Variants in VANGL1 observed in about 807,000 individuals in gnomAD.
The protein encoded by VANGL1 is VANGL planar cell polarity protein 1, also known as vang-like protein 1.
Under a neutral mutation model 48.4 loss-of-function variants are expected in VANGL1, and 18 were observed. That is an observed-to-expected ratio of 0.37 (90% CI 0.26 to 0.55). The LOEUF is 0.55. Ranked by LOEUF, VANGL1 falls within the 20% of genes least tolerant of loss-of-function variation. The pLI, the probability that VANGL1 is intolerant of heterozygous loss-of-function variation, is 0.81. For missense variants in VANGL1, 667 were observed against 675.8 expected (o/e 0.99, Z 0.14); for synonymous variants, 257 against 261.8 (o/e 0.98, Z 0.18).
In VANGL1 at chr1:115,697,964, A is replaced by G. The variant is rs1160454129; in HGVS notation, c.*6585A>G. ...GACACATTTGCAAGCATGTAAATGA[A>G]TGAATGACACTACCAGCAACCATCT... On this transcript the variant is annotated 3_prime_UTR_variant, in exon 8 of 8. Transcript: ENST00000355485. 1 of 152,250 alleles carries G rather than the reference A, an allele frequency of 6.6e-6. No individual in the cohort carries two copies. Among genetic ancestry groups the G allele is most frequent in the African/African-American group, 2.4e-5 (1 of 41,462 alleles). The allele number at this position is 152,250 out of a possible 1,614,324, so 9.4% of individuals were successfully genotyped here. A position where few individuals can be genotyped will look rare whatever the true frequency, so the allele number is the denominator to read the frequency against.
intron 2 of VANGL1, among the ~76,000 whole-genome samples, chr1:115,655,757 G>A (rs143277713): frequency 6.6e-6 from 1 of 152,260 alleles, no homozygotes; most frequent in Non-Finnish European, 1.5e-5. Context: ...TCATCATTGG[G>A]GAACCCTCTC....
intron 3 of VANGL1, among the ~76,000 whole-genome samples, chr1:115,662,713 T>C (rs1652607722): frequency 6.6e-6 from 1 of 152,148 alleles, no homozygotes. Flanking sequence ...CTTAGCTTGG[T>C]CCATGAGAAA....
At chr1:115,642,352 C>T (rs1651764282) in intron 1 of VANGL1, among the ~76,000 whole-genome samples, 1 of 152,134 alleles carries the variant, frequency 6.6e-6, no homozygotes, top group Non-Finnish European at 1.5e-5. Context: ...CGATCTCCGC[C>T]GCACCCCACT....
At chr1:115,644,231 T>C (rs767472982) in intron 1 of VANGL1, among the ~76,000 whole-genome samples, 2 of 152,266 alleles carry the variant, frequency 1.3e-5, no homozygotes, top group African/African-American at 2.4e-5. Flanking sequence ...TGTGGCAGTC[T>C]GGTTTCCCTA....
Position 115,691,682 on chromosome 1 carries a change from CT to C in VANGL1, c.*305del, listed in dbSNP as rs1289089051. The C allele has an allele frequency of 6.1e-6, 2 of 329,556 alleles. No individual in the cohort carries two copies. The highest frequency in any genetic ancestry group is 4.6e-5 in the Admixed American group (1 of 21,572). The allele number at this position is 329,556 out of a possible 1,614,324, so 20.4% of individuals were successfully genotyped here. On this transcript the variant is annotated 3_prime_UTR_variant, in exon 8 of 8. Coordinates refer to ENST00000355485, the MANE Select transcript of VANGL1 (RefSeq NM_138959.3). ...AGCTGGTGCTTCTTGGGAGCCTCGC[CT>C]TACAACTAATTCCTGCCTTTCGTCC...
chr1:115,681,503 G>GTTTTTTTTTTTTTTTTTTTTTTTT (rs368388367), intron 4 of VANGL1, among the ~76,000 whole-genome samples: 1 of 114,880 alleles, frequency 8.7e-6, no homozygotes. Context: ...TTTTTTTGTT[G>GTTTTTTTTTTTTTTTTTTTTTTTT]TTTTTTTTGT....
chr1:115,642,365 T>G (rs1172983249), intron 1 of VANGL1, among the ~76,000 whole-genome samples: 2 of 151,914 alleles, frequency 1.3e-5, no homozygotes, highest in Non-Finnish European at 2.9e-5. Context: ...ACCCCACTCC[T>G]TGGGGTCCCG....
chr1:115,642,151 G>A (rs1651755829), intron 1 of VANGL1, 65 bp downstream of exon 1: 1 of 151,826 alleles, frequency 6.6e-6, no homozygotes, highest in Non-Finnish European at 1.5e-5. Context: ...TTGGCTGGGA[G>A]ACGCCCCCAC....
intron 2 of VANGL1, among the ~76,000 whole-genome samples, chr1:115,656,256 T>C (rs1253692275): frequency 6.6e-6 from 1 of 152,238 alleles, no homozygotes; most frequent in Non-Finnish European, 1.5e-5. Flanking sequence ...ATTATAACAT[T>C]GTGCAGCTGA....
chr1:115,678,784 C>T (rs868041344), intron 4 of VANGL1, among the ~76,000 whole-genome samples: 3 of 151,850 alleles, frequency 2.0e-5, no homozygotes, highest in South Asian at 2.1e-4. Context: ...GGTGAGACCC[C>T]GTCCTTACTA....
chr1:115,669,630 TGTCTGTAAGA>T (rs1652903375), intron 4 of VANGL1, among the ~76,000 whole-genome samples: 1 of 129,936 alleles, frequency 7.7e-6, no homozygotes, highest in South Asian at 2.6e-4. Context: ...TTTTCTTCGT[TGTCTGTAAGA>T]TGTGCCATGT....
chr1:115,659,573 T>TA, intron 2 of VANGL1, 68 bp from the exon 3 acceptor site: 2 of 1,592,552 alleles, frequency 1.3e-6, no homozygotes, highest in African/African-American at 1.3e-5. Flanking sequence ...AAATGATACT[T>TA]ACATTTTGAT....
intron 3 of VANGL1, among the ~76,000 whole-genome samples, chr1:115,662,379 T>C (rs762285666): frequency 1.3e-4 from 20 of 152,232 alleles, no homozygotes; most frequent in Non-Finnish European, 2.8e-4. Flanking sequence ...AGTGAAAGGA[T>C]ACATACAAAT....
intron 2 of VANGL1, among the ~76,000 whole-genome samples, chr1:115,655,764 T>A (rs1310561540): frequency 6.6e-6 from 1 of 152,280 alleles, no homozygotes; most frequent in East Asian, 1.9e-4. Context: ...TGGGGAACCC[T>A]CTCCCAGACA....
chr1:115,664,026 G>T lies in VANGL1; in HGVS notation c.570G>T (p.Leu190Phe). 1 of 1,614,138 alleles carries T rather than the reference G, an allele frequency of 6.2e-7. No individual in the cohort carries two copies. Among genetic ancestry groups the T allele is most frequent in the Non-Finnish European group, 8.5e-7 (1 of 1,180,024 alleles). The change falls in exon 4 of 8, where the codon TTG (leucine) becomes TTT (phenylalanine). Residue 190 changes from leucine (L) to phenylalanine (F), a missense_variant. Leu to Phe is a conservative substitution (Grantham distance 22, BLOSUM62 0). Coordinates refer to ENST00000355485, the MANE Select transcript of VANGL1 (RefSeq NM_138959.3). ...TGTTTGTGTTTCGTGCCCTTTTGTT[G>T]GTCCTCATCTTTCTCTTTGTGGTTT... ...PRVFVFRALL[L>F]VLIFLFVVSY...
intron 4 of VANGL1, among the ~76,000 whole-genome samples, chr1:115,669,149 G>A (rs746836597): frequency 3.9e-5 from 6 of 152,144 alleles, no homozygotes; most frequent in Non-Finnish European, 8.8e-5. Context: ...CTTTAAGGAG[G>A]TATATGAACA....
intron 2 of VANGL1, 103 bp from the exon 3 acceptor site, chr1:115,659,538 T>G (rs926294711): frequency 5.7e-5 from 78 of 1,378,796 alleles, no homozygotes; most frequent in Non-Finnish European, 7.6e-5. Flanking sequence ...TGTGTGTGTG[T>G]GTATGTAGAA....
At chr1:115,643,993 T>G (rs567075327) in intron 1 of VANGL1, among the ~76,000 whole-genome samples, 2 of 151,876 alleles carry the variant, frequency 1.3e-5, no homozygotes, top group East Asian at 3.9e-4. Flanking sequence ...TAGATCCATT[T>G]CTTTTCTCCT....
At chr1:115,644,844 A>C (rs1651858909) in intron 1 of VANGL1, among the ~76,000 whole-genome samples, 1 of 152,214 alleles carries the variant, frequency 6.6e-6, no homozygotes, top group Admixed American at 6.5e-5. Context: ...ACTGGAGCCA[A>C]GAGAAGTTAT....
Sources: allele counts gnomAD v4.1 joint callset (sites outside exome capture counted in the v4.1 genomes callset), GRCh38; gene constraint gnomAD v4.1.1; transcripts MANE v1.5; gene names NCBI Gene and HGNC (gene_info 2026-07-23, HGNC 2026-07-21).